The following LRRC7 variants were observed in gnomAD, a reference collection of about 807,000 sequenced individuals.
The protein encoded by LRRC7 is leucine-rich repeat-containing protein 7.
LRRC7 carries 23 observed loss-of-function variants against 175.7 expected under a neutral mutation model. The observed-to-expected ratio is 0.13, with a 90% CI of 0.09 to 0.19. The LOEUF is 0.19. Among genes scored for constraint, LRRC7 ranks in the 10% least tolerant of loss-of-function variants. LRRC7 has a pLI of 1.00. For missense variants in LRRC7, 1,354 were observed against 1,904.7 expected, an observed-to-expected ratio of 0.71 and a Z score of 5.38; for synonymous variants, 685 against 680.9, an observed-to-expected ratio of 1.01 and a Z score of -0.09.
At chr1:69,900,409 T>C (rs1456061021) in intron 7 of LRRC7, among the ~76,000 whole-genome samples, 1 of 152,216 alleles carries the variant, frequency 6.6e-6, no homozygotes, top group Non-Finnish European at 1.5e-5. Flanking sequence ...TTTTTCTTCT[T>C]TGTATTCTAG....
chr1:69,971,431 A>G (rs1414738481), intron 8 of LRRC7, among the ~76,000 whole-genome samples: 1 of 152,216 alleles, frequency 6.6e-6, no homozygotes, highest in Non-Finnish European at 1.5e-5. Flanking sequence ...AAGTTTCCAG[A>G]TAGAAAATTA....
chr1:69,935,737 G>A (rs60763236), intron 8 of LRRC7, among the ~76,000 whole-genome samples: 14,274 of 151,964 alleles, frequency 0.094, 1,509 homozygotes, highest in African/African-American at 0.26. Flanking sequence ...TTGTCTGTAG[G>A]TACTACAATT....
intron 2 of LRRC7, among the ~76,000 whole-genome samples, chr1:69,702,329 G>C (rs1340754): frequency 0.23 from 34,640 of 152,134 alleles, 4,529 homozygotes; most frequent in South Asian, 0.32. Context: ...CTCTCTTTTG[G>C]AACACAGCAC....
At chr1:69,783,010 C>T (rs1673947596) in intron 3 of LRRC7, among the ~76,000 whole-genome samples, 1 of 152,156 alleles carries the variant, frequency 6.6e-6, no homozygotes, top group Admixed American at 6.5e-5. Context: ...AGCTCAGACC[C>T]TTACAGCCTT....
chr1:69,775,124 T>A (rs776032608), intron 3 of LRRC7, among the ~76,000 whole-genome samples: 29 of 152,190 alleles, frequency 1.9e-4, no homozygotes, highest in Non-Finnish European at 3.5e-4. Flanking sequence ...CACTTCCTTT[T>A]GAAAATGATT....
At chr1:70,092,227 G>A (rs1664079789) in intron 25 of LRRC7, among the ~76,000 whole-genome samples, 1 of 152,056 alleles carries the variant, frequency 6.6e-6, no homozygotes, top group African/African-American at 2.4e-5. Context: ...AAAACAGATT[G>A]GTTTTTCATG....
At chr1:69,661,695 A>G (rs892950503) in intron 1 of LRRC7, among the ~76,000 whole-genome samples, 1 of 152,174 alleles carries the variant, frequency 6.6e-6, no homozygotes, top group Non-Finnish European at 1.5e-5. Flanking sequence ...ACCCAGAAGG[A>G]GAGCAGGCTG....
At chr1:69,799,761 G>A (rs1024224722) in intron 4 of LRRC7, among the ~76,000 whole-genome samples, 2 of 151,946 alleles carry the variant, frequency 1.3e-5, no homozygotes, top group Admixed American at 6.5e-5. Flanking sequence ...TTTTGGTTTT[G>A]TTAATTGTGC....
intron 7 of LRRC7, among the ~76,000 whole-genome samples, chr1:69,843,528 G>A (rs1031680639): frequency 6.6e-6 from 1 of 151,950 alleles, no homozygotes; most frequent in Non-Finnish European, 1.5e-5. Context: ...TAGATATCTC[G>A]TAAATGGTGT....
intron 7 of LRRC7, among the ~76,000 whole-genome samples, chr1:69,897,691 G>T (rs774904856): frequency 6.6e-6 from 1 of 152,136 alleles, no homozygotes; most frequent in Non-Finnish European, 1.5e-5. Flanking sequence ...AAAAAAAAAT[G>T]TTCTAGCAGA....
intron 4 of LRRC7, among the ~76,000 whole-genome samples, chr1:69,807,210 C>T (rs1362626967): frequency 6.6e-6 from 1 of 151,982 alleles, no homozygotes. Context: ...AGATGGGTCT[C>T]CTGAATACAG....
chr1:69,818,928 C>G (rs1678909678), intron 4 of LRRC7, among the ~76,000 whole-genome samples: 1 of 152,064 alleles, frequency 6.6e-6, no homozygotes, highest in East Asian at 1.9e-4. Flanking sequence ...TCTGTAGTAA[C>G]AGTTGTAGTG....
chr1:70,102,576 G>A (rs1170813797), intron 25 of LRRC7, among the ~76,000 whole-genome samples: 2 of 152,004 alleles, frequency 1.3e-5, no homozygotes, highest in Non-Finnish European at 2.9e-5. Flanking sequence ...TTTTGCCCAG[G>A]GTGGTCTCAA....
chr1:69,615,605 G>A (rs187038883), intron 1 of LRRC7, among the ~76,000 whole-genome samples: 17 of 152,060 alleles, frequency 1.1e-4, no homozygotes, highest in Admixed American at 3.9e-4. Flanking sequence ...TTTATTTTAA[G>A]CTAAACACAG....
In LRRC7 at chr1:69,890,665, T is replaced by C. The variant is rs530319543; in HGVS notation, c.648-40842T>C. On this transcript the variant is annotated intron_variant, in intron 7 of 26. Coordinates refer to ENST00000651989, the MANE Select transcript of LRRC7 (RefSeq NM_001370785.2). Reference sequence around the variant, plus strand: ...TAGCTTTGAATGTCCCAGATGGCATTTTCTTCCAAAGGAAGGCTATTTTAT... The same window carrying C: ...TAGCTTTGAATGTCCCAGATGGCATCTTCTTCCAAAGGAAGGCTATTTTAT... Among the ~76,000 whole-genome samples, 5 of 152,334 alleles carry C rather than the reference T, an allele frequency of 3.3e-5. No homozygotes were observed. The South Asian group carries it at 1.0e-3, about 32-fold the overall frequency.
At position 70,053,099 on chromosome 1, in the gene LRRC7, A is replaced by T. The variant is rs746242327; in HGVS notation, c.4184A>T (p.Tyr1395Phe). The change falls in exon 23 of 27, where the codon TAT becomes TTT. Residue 1395 changes from tyrosine (Y) to phenylalanine (F), a missense_variant. By Grantham distance (22) the Tyr-to-Phe change is conservative. Transcript: ENST00000651989. ...DVSPSGQWNPYPLGRRDVPPD... is the reference protein window; with the variant it reads ...DVSPSGQWNPFPLGRRDVPPD... ...TCTCCTAGTGGCCAATGGAATCCTT[A>T]TCCACTTGGGAGGCGGGATGTACCT... The T allele has an allele frequency of 3.1e-6, 5 of 1,610,872 alleles. No individual in the cohort carries two copies. The highest frequency in any genetic ancestry group is 1.3e-5 in the African/African-American group (1 of 74,946).
intron 7 of LRRC7, among the ~76,000 whole-genome samples, chr1:69,925,270 G>T (rs1394410610): frequency 1.3e-5 from 2 of 151,926 alleles, no homozygotes; most frequent in South Asian, 2.1e-4. Context: ...TCTTTTTTGG[G>T]TGTGTCTCTG....
chr1:70,101,696 G>A (rs1178790889), intron 25 of LRRC7, among the ~76,000 whole-genome samples: 1 of 152,126 alleles, frequency 6.6e-6, no homozygotes, highest in African/African-American at 2.4e-5. Context: ...CTTTTCATAA[G>A]CCCATTATGA....
chr1:69,843,913 G>T (rs746122489), intron 7 of LRRC7, among the ~76,000 whole-genome samples: 3 of 152,022 alleles, frequency 2.0e-5, no homozygotes, highest in Non-Finnish European at 4.4e-5. Context: ...GGACATTTTT[G>T]AGACAACTGA....
Sources: allele counts gnomAD v4.1 joint callset (sites outside exome capture counted in the v4.1 genomes callset), GRCh38; gene constraint gnomAD v4.1.1; transcripts MANE v1.5; gene names NCBI Gene and HGNC (gene_info 2026-07-23, HGNC 2026-07-21).